Variants in MACF1 observed in about 807,000 individuals in gnomAD.
MACF1 encodes the protein microtubule-actin cross-linking factor 1.
Under a neutral mutation model 854.8 loss-of-function variants are expected in MACF1, and 193 were observed. That is an observed-to-expected ratio of 0.23 (90% confidence interval 0.20 to 0.25). MACF1 has a LOEUF of 0.25. Among genes scored for constraint, MACF1 ranks in the 10% least tolerant of loss-of-function variants. The pLI, the probability that MACF1 is intolerant of heterozygous loss-of-function variation, is 1.00. For missense variants in MACF1, 7,722 were observed against 8,929.1 expected, an observed-to-expected ratio of 0.86 and a Z score of 5.45; for synonymous variants, 3,185 against 3,226.7, an observed-to-expected ratio of 0.99 and a Z score of 0.44.
At chr1:39,415,449 C>T (rs984596851) in intron 58 of MACF1, among the ~76,000 whole-genome samples, 8 of 150,204 alleles carry the variant, frequency 5.3e-5, no homozygotes, top group African/African-American at 1.7e-4. Context: ...CATTCTCCTG[C>T]CTCAGCCTCC....
intron 51 of MACF1, among the ~76,000 whole-genome samples, chr1:39,371,488 A>G (rs1358290687): frequency 1.3e-5 from 2 of 152,254 alleles, no homozygotes; most frequent in East Asian, 1.9e-4. Context: ...GAGGAGGGCA[A>G]TGAAGGCTAG....
intron 2 of MACF1, among the ~76,000 whole-genome samples, chr1:39,249,086 G>A (rs1645013085): frequency 6.6e-6 from 1 of 152,148 alleles, no homozygotes; most frequent in African/African-American, 2.4e-5. Context: ...GACTGGGACT[G>A]AATCAGAAAT....
chr1:39,371,805 A>G (rs1024774322), intron 51 of MACF1, among the ~76,000 whole-genome samples: 1 of 142,390 alleles, frequency 7.0e-6, no homozygotes, highest in East Asian at 2.1e-4. Flanking sequence ...GCAAACTCTT[A>G]TCTTTCTTTG....
intron 23 of MACF1, among the ~76,000 whole-genome samples, chr1:39,303,487 T>C (rs1434471234): frequency 6.6e-6 from 1 of 151,234 alleles, no homozygotes; most frequent in Non-Finnish European, 1.5e-5. Flanking sequence ...GAGGCGGAGT[T>C]TGCAGTCAGC....
intron 80 of MACF1, among the ~76,000 whole-genome samples, chr1:39,447,020 T>C (rs1401028444): frequency 1.3e-5 from 2 of 152,232 alleles, no homozygotes; most frequent in Non-Finnish European, 2.9e-5. Flanking sequence ...GTAAATTGCT[T>C]TTCATTTAGC....
intron 76 of MACF1, 37 bp from the exon 77 acceptor site, chr1:39,442,375 C>T (rs542324118): frequency 4.4e-6 from 7 of 1,606,138 alleles, no homozygotes; most frequent in East Asian, 2.2e-5. Flanking sequence ...TTTCTAATTT[C>T]GTATTGAATA....
rs748430987 is a variant in MACF1, at chr1:39,231,193, C to G, written c.121C>G (p.Arg41Gly). 1 of 1,613,988 alleles carries G rather than the reference C, an allele frequency of 6.2e-7. No individual in the cohort carries two copies. Among genetic ancestry groups the G allele is most frequent in the African/African-American group, 1.3e-5 (1 of 74,910 alleles). The part of the protein sequence containing the change: ...HARGRADERD[R>G]VQKKTFTKWV... ...TGTTTCCTTTACAGATGAACGGGAC[C>G]GGGTTCAGAAGAAAACGTTCACCAA... Residue 41 changes from arginine (R) to glycine (G), a missense_variant, in exon 2 of 101, where the codon CGG becomes GGG. This residue lies in a region of MACF1 where 6 missense variants were observed against 23.7 expected (regional missense o/e 0.25). Transcript: ENST00000564288.
chr1:39,084,359 G>A lies in MACF1; in HGVS notation c.141G>A (p.Leu47=). 1.9e-6 allele frequency: 3 copies of A among 1,613,896 alleles called. No individual in the cohort carries two copies. The highest frequency in any genetic ancestry group is 2.5e-6 in the Non-Finnish European group (3 of 1,180,038). Residue 47 remains leucine (L), a synonymous_variant, in exon 2 of 94, where the codon CTG becomes CTA. Transcript: ENST00000361689. The surrounding 1 kb of genome is among the most constrained non-coding windows in gnomAD (Gnocchi z 5.2). ...CAGGGGACACCTTGCCCTGGAACCT[G>A]CCACTGCATGAGCAGAAAAAGCGGA...
At chr1:39,159,551 A>G (rs1643756034) in intron 2 of MACF1, among the ~76,000 whole-genome samples, 1 of 152,134 alleles carries the variant, frequency 6.6e-6, no homozygotes, top group Non-Finnish European at 1.5e-5. Flanking sequence ...TAAAACAATG[A>G]CTTTGAAAGA....
chr1:39,270,148 G>T (rs1645289096), intron 6 of MACF1, among the ~76,000 whole-genome samples: 1 of 152,232 alleles, frequency 6.6e-6, no homozygotes, highest in South Asian at 2.1e-4. Flanking sequence ...GGCAGCTGTT[G>T]TCAGTGTACT....
At chr1:39,304,889 G>T in intron 23 of MACF1, 1 of 157,558 alleles carries the variant, frequency 6.3e-6, no homozygotes, top group Non-Finnish European at 1.4e-5. Flanking sequence ...CTAAACGTTT[G>T]TCCTGCCATG....
intron 2 of MACF1, among the ~76,000 whole-genome samples, chr1:39,101,915 G>A (rs1339453505): frequency 3.3e-5 from 5 of 150,454 alleles, no homozygotes; most frequent in Non-Finnish European, 7.4e-5. Context: ...GGTGGCTCGC[G>A]CCTGTAATCC....
intron 58 of MACF1, among the ~76,000 whole-genome samples, chr1:39,404,141 A>ATAAGTAAG (rs199609612): frequency 1.2e-4 from 16 of 138,112 alleles, no homozygotes; most frequent in African/African-American, 4.3e-4. Context: ...AAATAAATAA[A>ATAAGTAAG]TAAGTAAGTA....
At chr1:39,163,340 CAAAAAAAAAA>C (rs11371076) in intron 2 of MACF1, among the ~76,000 whole-genome samples, 1 of 80,356 alleles carries the variant, frequency 1.2e-5, no homozygotes, top group South Asian at 4.9e-4. Flanking sequence ...AAGACTGTCT[CAAAAAAAAAA>C]AAAAAAAAAA....
intron 58 of MACF1, chr1:39,411,175 C>T: frequency 6.2e-7 from 1 of 1,613,698 alleles, no homozygotes. Flanking sequence ...TCCAGAATTG[C>T]ATGTTCTCAT....
chr1:39,321,711 T>C (rs1307080751), intron 31 of MACF1, among the ~76,000 whole-genome samples: 4 of 152,200 alleles, frequency 2.6e-5, no homozygotes, highest in African/African-American at 9.6e-5. Context: ...TTTGAACCAG[T>C]AGCATCCGTA....
intron 2 of MACF1, among the ~76,000 whole-genome samples, chr1:39,188,025 C>G (rs1644201467): frequency 7.0e-6 from 1 of 142,500 alleles, no homozygotes; most frequent in South Asian, 2.4e-4. Context: ...TTCTTTTTTC[C>G]TCTGCATCCA....
intron 2 of MACF1, among the ~76,000 whole-genome samples, chr1:39,247,135 C>T (rs1211029453): frequency 2.9e-5 from 4 of 139,124 alleles, no homozygotes; most frequent in African/African-American, 8.1e-5. Flanking sequence ...TGCAGTGGCG[C>T]GATCTCGACT....
rs1422670610 is a variant in MACF1 at position 39,331,987 on chromosome 1, C to A, written c.5399C>A (p.Ala1800Asp). 3.7e-6 allele frequency: 6 copies of A among 1,613,770 alleles called. No individual in the cohort carries two copies. The highest frequency in any genetic ancestry group is 1.3e-5 in the African/African-American group (1 of 74,810). The part of the protein sequence containing the change: ...VRHNLIDQDM[A>D]CAILIRQLQT... The stretch of plus-strand genomic sequence containing the variant: ...CATAATCTGATTGACCAAGATATGG[C>A]CTGTGCTATCCTCATAAGGCAGCTT... Residue 1800 changes from alanine to aspartate, a missense_variant, in exon 37 of 101, where the codon GCC (alanine) becomes GAC (aspartate). Ala to Asp is a moderately radical substitution (Grantham distance 126, BLOSUM62 -2). This residue lies in a region of MACF1 where 1,531 missense variants were observed against 1,601.6 expected (regional missense o/e 0.96). Transcript: ENST00000564288.
Sources: gnomAD v4.1 joint callset for allele counts (sites outside exome capture counted in the v4.1 genomes callset) on GRCh38, gnomAD v4.1.1 for gene constraint, gnomAD v4.1.1 regional missense constraint, Gnocchi (gnomAD v3.1) non-coding constraint, MANE v1.5 for transcripts, NCBI Gene and HGNC (gene_info 2026-07-23, HGNC 2026-07-21) for gene names.